The following MICA variants were observed in gnomAD, a reference collection of about 807,000 sequenced individuals.
The protein encoded by MICA is HLA class I antigen.
A neutral mutation model predicts 34.3 loss-of-function variants in MICA; 18 were observed. The observed-to-expected ratio is 0.52, with a 90% confidence interval of 0.36 to 0.78. MICA has a LOEUF of 0.78. Ranked by LOEUF, MICA falls within the 30% of genes least tolerant of loss-of-function variation. The probability of loss-of-function intolerance (pLI) is 0.00; values close to 1 mark genes in which losing one functional copy is unlikely to be tolerated. For missense variants in MICA, 333 were observed against 409.4 expected, an observed-to-expected ratio of 0.81 and a Z score of 1.61; for synonymous variants, 135 against 156.9, an observed-to-expected ratio of 0.86 and a Z score of 1.04.
At chr6:31,405,719 C>T (rs1770712482) in intron 1 of MICA, among the ~76,000 whole-genome samples, 1 of 151,862 alleles carries the variant, frequency 6.6e-6, no homozygotes, top group Non-Finnish European at 1.5e-5. Context: ...CTCCCCACTA[C>T]CCTTCTCAGC....
chr6:31,401,660 TAAAAA>T (rs9279197), upstream of MICA, among the ~76,000 whole-genome samples: 6 of 145,016 alleles, frequency 4.1e-5, no homozygotes, highest in Non-Finnish European at 9.0e-5. Context: ...ACTCCTCTCT[TAAAAA>T]AAAAAAAAAA....
chr6:31,410,997 C>G lies in MICA; in HGVS notation c.326-75C>G, dbSNP rs1321260158. The G allele has an allele frequency of 3.3e-6, 5 of 1,494,798 alleles. No individual in the cohort carries two copies. The African/African-American group carries it at 7.0e-5, about 21-fold the overall frequency. The allele number at this position is 1,494,798 out of a possible 1,614,324, so 92.6% of individuals were successfully genotyped here. ...GGAGGAGGGCCAGGGAGGCATACCC[C>G]CTGGGCTGAGTTCCTCACTTGGGTG... is the stretch of plus-strand genomic sequence containing the variant. On this transcript the variant is annotated intron_variant, in intron 2 of 5. Transcript: ENST00000449934.
upstream of MICA, among the ~76,000 whole-genome samples, chr6:31,403,375 T>G (rs1770550696): frequency 6.6e-6 from 1 of 151,926 alleles, no homozygotes; most frequent in African/African-American, 2.4e-5. This position sits in a 1 kb window ranked among gnomAD's most constrained non-coding sequence, Gnocchi z 4.7. Flanking sequence ...AGCTGGTCCC[T>G]GCTTTAGGCT....
At chr6:31,406,404 TTATA>T (rs1218961464) in intron 1 of MICA, among the ~76,000 whole-genome samples, 3 of 123,046 alleles carry the variant, frequency 2.4e-5, no homozygotes, top group African/African-American at 1.0e-4. Flanking sequence ...AATTGGATTA[TTATA>T]TTTTTTTTCC....
At position 31,411,701 on chromosome 6, in the gene MICA, A is replaced by T. The variant is rs1387569772; in HGVS notation, c.614-246A>T. Reference sequence around the variant, plus strand: ...GAGTTCCCTCCTGGCCCCACAACCCAGGAGTCCACCCCTGACATCCCCCTC... The same window carrying T: ...GAGTTCCCTCCTGGCCCCACAACCCTGGAGTCCACCCCTGACATCCCCCTC... On this transcript the variant is annotated intron_variant, in intron 3 of 5. Transcript: ENST00000449934. The surrounding 1 kb of genome is among the most constrained non-coding windows in gnomAD (Gnocchi z 4.3). Among the ~76,000 whole-genome samples, 1 of 151,686 alleles carries T rather than the reference A, an allele frequency of 6.6e-6. No homozygotes were observed. Among genetic ancestry groups the T allele is most frequent in the African/African-American group, 2.4e-5 (1 of 41,188 alleles).
chr6:31,410,502 C>T (rs9266808), intron 1 of MICA, 41 bp from the exon 2 acceptor site: 99,776 of 1,597,170 alleles, frequency 0.062, 3,759 homozygotes, highest in East Asian at 0.1. Context: ...TGTGAAGTTA[C>T]TTCCAGGAAG....
upstream of MICA, among the ~76,000 whole-genome samples, chr6:31,401,330 T>C (rs1405608948): frequency 6.6e-6 from 1 of 151,792 alleles, no homozygotes; most frequent in Non-Finnish European, 1.5e-5. Flanking sequence ...ACTAAGAAAT[T>C]GTTAAAATTC....
intron 1 of MICA, among the ~76,000 whole-genome samples, chr6:31,409,235 C>A (rs1770926413): frequency 1.3e-5 from 2 of 151,446 alleles, no homozygotes; most frequent in South Asian, 4.2e-4. Context: ...TTGGGTATTT[C>A]TTTTGGGTAT....
At position 31,411,186 on chromosome 6, in the gene MICA, C is replaced by T. The variant is rs1432843151; in HGVS notation, c.440C>T (p.Thr147Ile). 1 of 1,613,306 alleles carries T rather than the reference C, an allele frequency of 6.2e-7. No individual in the cohort carries two copies. Among genetic ancestry groups the T allele is most frequent in the African/African-American group, 1.3e-5 (1 of 74,710 alleles). ...CTCTTCCTCTCCCAAAACCTGGAGA[C>T]TGAGGAATGGACAGTGCCCCAGTCC... Reference protein sequence around the residue: ...GELFLSQNLETEEWTVPQSSR... With the variant: ...GELFLSQNLEIEEWTVPQSSR... The change falls in exon 3 of 6, where the codon ACT (threonine) becomes ATT (isoleucine). Residue 147 changes from threonine to isoleucine, a missense_variant. Thr to Ile is a moderately conservative substitution (Grantham distance 89). Transcript: ENST00000449934. This position sits in a 1 kb window ranked among gnomAD's most constrained non-coding sequence, Gnocchi z 4.3.
At position 31,411,140 on chromosome 6, in the gene MICA, C is replaced by A; in HGVS notation, c.394C>A (p.His132Asn). 6.2e-7 allele frequency: 1 copy of A among 1,612,090 alleles called. No homozygotes were observed. Among genetic ancestry groups the A allele is most frequent in the Non-Finnish European group, 8.5e-7 (1 of 1,179,590 alleles). Residue 132 changes from histidine to asparagine, a missense_variant, in exon 3 of 6, where the codon CAT becomes AAT. His to Asn is a moderately conservative substitution (Grantham distance 68). Transcript: ENST00000449934. This position sits in a 1 kb window ranked among gnomAD's most constrained non-coding sequence, Gnocchi z 4.3. ...AGACAACAGCACCAGGAGCTCCCAGCATTTCTACTACGATGGGGAGCTCTT... is the reference window on the plus strand; with the variant it reads ...AGACAACAGCACCAGGAGCTCCCAGAATTTCTACTACGATGGGGAGCTCTT... The part of the protein sequence containing the change: ...HEDNSTRSSQ[H>N]FYYDGELFLS...
chr6:31,410,368 C>T (rs1231280783), intron 1 of MICA, among the ~76,000 whole-genome samples, 175 bp from the exon 2 acceptor site: 2 of 151,822 alleles, frequency 1.3e-5, no homozygotes, highest in African/African-American at 4.9e-5. Flanking sequence ...TCATCAGCCC[C>T]CTCCTCTATC....
chr6:31,410,528 T>A lies in MICA; in HGVS notation c.71-15T>A, dbSNP rs752925407. 1 of 1,607,504 alleles carries A rather than the reference T, an allele frequency of 6.2e-7. No homozygotes were observed. Among genetic ancestry groups the A allele is most frequent in the South Asian group, 1.1e-5 (1 of 90,880 alleles). Reference sequence around the variant, plus strand: ...TTCCAGGAAGAAGTTTCACCTGTGATTTCCTCTTCCCCAGAGCCCCACAGT... The same window carrying A: ...TTCCAGGAAGAAGTTTCACCTGTGAATTCCTCTTCCCCAGAGCCCCACAGT... On this transcript the variant is annotated splice_polypyrimidine_tract_variant and intron_variant, in intron 1 of 5. Coordinates refer to ENST00000449934, the MANE Select transcript of MICA (RefSeq NM_001177519.3).
Position 31,411,282 on chromosome 6 carries a change from A to T in MICA, c.536A>T (p.His179Leu), listed in dbSNP as rs3819268. ...GAAGATGCCATGAAGACCAAGACACACTATCACGCTATGCATGCAGACTGC... is the reference window on the plus strand; with the variant it reads ...GAAGATGCCATGAAGACCAAGACACTCTATCACGCTATGCATGCAGACTGC... ...LKEDAMKTKTHYHAMHADCLQ... is the reference protein window; with the variant it reads ...LKEDAMKTKTLYHAMHADCLQ... Residue 179 changes from histidine (H) to leucine (L), a missense_variant, in exon 3 of 6, where the codon CAC (histidine) becomes CTC (leucine). His to Leu is a moderately conservative substitution (Grantham distance 99). Coordinates refer to ENST00000449934, the MANE Select transcript of MICA (RefSeq NM_001177519.3). This position sits in a 1 kb window ranked among gnomAD's most constrained non-coding sequence, Gnocchi z 4.3. 39,044 of 1,609,570 alleles carry T rather than the reference A, an allele frequency of 0.024. 829 individuals are homozygous for T. Among genetic ancestry groups the T allele is most frequent in the East Asian group, 0.1 (4,552 of 44,694 alleles).
chr6:31,411,261 A>G lies in MICA; in HGVS notation c.515A>G (p.Asp172Gly). Residue 172 changes from aspartate (D) to glycine (G), a missense_variant, in exon 3 of 6, where the codon GAT becomes GGT. Coordinates refer to ENST00000449934, the MANE Select transcript of MICA (RefSeq NM_001177519.3). The surrounding 1 kb of genome is among the most constrained non-coding windows in gnomAD (Gnocchi z 4.3). ...AMNVRNFLKEDAMKTKTHYHA... is the reference protein window; with the variant it reads ...AMNVRNFLKEGAMKTKTHYHA... ...AACGTCAGGAATTTCTTGAAGGAAG[A>G]TGCCATGAAGACCAAGACACACTAT... 1 of 1,612,456 alleles carries G rather than the reference A, an allele frequency of 6.2e-7. No homozygotes were observed. The highest frequency in any genetic ancestry group is 1.1e-5 in the South Asian group (1 of 90,864).
intron 5 of MICA, among the ~76,000 whole-genome samples, chr6:31,414,356 T>C (rs7756993): frequency 0.32 from 48,509 of 151,424 alleles, 8,309 homozygotes; most frequent in African/African-American, 0.4. Context: ...CAGGCAGGAG[T>C]AGCGGTTACT....
Position 31,403,745 on chromosome 6 carries a change from G to A in MICA, c.70+43G>A, listed in dbSNP as rs1337128380. The A allele has an allele frequency of 6.6e-7, 1 of 1,515,410 alleles. No individual in the cohort carries two copies. Among genetic ancestry groups the A allele is most frequent in the Non-Finnish European group, 8.8e-7 (1 of 1,133,446 alleles). 93.9% of individuals were successfully genotyped at this position (1,515,410 alleles called of 1,614,324 possible). A position where few individuals can be genotyped will look rare whatever the true frequency, so the allele number is the denominator to read the frequency against. ...CGGTCCTCGGCGGAGCGGGAGCAGT[G>A]GGACGTTTCCGGGGGTCGGGTGGGT... On this transcript the variant is annotated intron_variant, in intron 1 of 5. Coordinates refer to ENST00000449934, the MANE Select transcript of MICA (RefSeq NM_001177519.3). The surrounding 1 kb of genome is among the most constrained non-coding windows in gnomAD (Gnocchi z 4.7).
In MICA at chr6:31,411,291, C is replaced by G. The variant is rs1771133093; in HGVS notation, c.545C>G (p.Ala182Gly). 1 of 1,607,902 alleles carries G rather than the reference C, an allele frequency of 6.2e-7. No individual in the cohort carries two copies. Among genetic ancestry groups the G allele is most frequent in the Non-Finnish European group, 8.5e-7 (1 of 1,177,840 alleles). ...ATGAAGACCAAGACACACTATCACG[C>G]TATGCATGCAGACTGCCTGCAGGAA... ...DAMKTKTHYH[A>G]MHADCLQELR... The change falls in exon 3 of 6, where the codon GCT becomes GGT. Residue 182 changes from alanine (A) to glycine (G), a missense_variant. By Grantham distance (60) the Ala-to-Gly change is moderately conservative. Coordinates refer to ENST00000449934, the MANE Select transcript of MICA (RefSeq NM_001177519.3). The surrounding 1 kb of genome is among the most constrained non-coding windows in gnomAD (Gnocchi z 4.3).
At chr6:31,407,474 G>A (rs537712964) in intron 1 of MICA, among the ~76,000 whole-genome samples, 1 of 152,032 alleles carries the variant, frequency 6.6e-6, no homozygotes, top group South Asian at 2.1e-4. Flanking sequence ...GACCTCAGGT[G>A]ATCCACCTGC....
chr6:31,413,001 C>G (rs2113765700), intron 5 of MICA, among the ~76,000 whole-genome samples: 1 of 151,080 alleles, frequency 6.6e-6, no homozygotes, highest in African/African-American at 2.5e-5. Flanking sequence ...GCCTGGGGGC[C>G]CTGCCTGTGT....
Sources: gnomAD v4.1 joint callset for allele counts (sites outside exome capture counted in the v4.1 genomes callset) on GRCh38, gnomAD v4.1.1 for gene constraint, Gnocchi (gnomAD v3.1) non-coding constraint, MANE v1.5 for transcripts, NCBI Gene and HGNC (gene_info 2026-07-23, HGNC 2026-07-21) for gene names.